TUB: variants seen among roughly 807,000 people sequenced by gnomAD.
TUB encodes TUB bipartite transcription factor.
In TUB, 33 loss-of-function variants were observed where a neutral mutation model predicts 59.7. The ratio of observed to expected loss-of-function variants is 0.55; its 90% confidence interval spans 0.42 to 0.74. TUB has a LOEUF of 0.74. Ranked by LOEUF, TUB falls within the 30% of genes least tolerant of loss-of-function variation. The pLI, the probability that TUB is intolerant of heterozygous loss-of-function variation, is 0.00. For synonymous variants in TUB, 293 were observed against 256.4 expected, an observed-to-expected ratio of 1.14 and a Z score of -1.36; for missense variants, 659 against 672.0, an observed-to-expected ratio of 0.98 and a Z score of 0.21.
At chr11:8,068,245 T>C (rs1193614619) in intron 2 of TUB, 1 of 152,414 alleles carries the variant, frequency 6.6e-6, no homozygotes, top group African/African-American at 2.4e-5. Flanking sequence ...TCGGGTCCCA[T>C]GGGCTTGCCT....
At chr11:8,052,626 C>A (rs1004673134) in intron 2 of TUB, among the ~76,000 whole-genome samples, 1 of 151,990 alleles carries the variant, frequency 6.6e-6, no homozygotes, top group African/African-American at 2.4e-5. Context: ...CCCACCACCA[C>A]GCCCTGCTAA....
intron 1 of TUB, among the ~76,000 whole-genome samples, chr11:8,085,956 G>A (rs1027444910): frequency 6.6e-6 from 1 of 152,180 alleles, no homozygotes. Flanking sequence ...CAGGTTCCCT[G>A]GGAGGTGAAG....
Position 8,094,027 on chromosome 11 carries a change from G to A in TUB, c.254-19G>A. The A allele has an allele frequency of 6.2e-7, 1 of 1,614,112 alleles. No individual in the cohort carries two copies. The highest frequency in any genetic ancestry group is 8.5e-7 in the Non-Finnish European group (1 of 1,180,034). Reference sequence around the variant, plus strand: ...ACTGCCTGTTTCTCTCTCTCCATCTGGGGATGTTTCCTGAGCAGTTCAAGA... The same window carrying A: ...ACTGCCTGTTTCTCTCTCTCCATCTAGGGATGTTTCCTGAGCAGTTCAAGA... On this transcript the variant is annotated intron_variant, in intron 3 of 11. Transcript: ENST00000299506.
chr11:8,038,630 G>A, upstream of TUB: 8 of 1,239,866 alleles, frequency 6.5e-6, no homozygotes, highest in Non-Finnish European at 8.1e-6. Flanking sequence ...TGGCCACTGA[G>A]ACCTTGAGGA....
Position 8,104,514 on chromosome 11 carries a change from T to A in TUB, c.*2895T>A, listed in dbSNP as rs1466232116. On this transcript the variant is annotated 3_prime_UTR_variant, in exon 12 of 12. Transcript: ENST00000299506. ...GGTTTCTTAATTGTGATTATATTCC[T>A]GAGAATGAATGAGTAGGAAAGGAAT... The A allele has an allele frequency of 6.6e-6, 1 of 152,248 alleles. No individual in the cohort carries two copies. The highest frequency in any genetic ancestry group is 1.5e-5 in the Non-Finnish European group (1 of 68,050). 9.4% of individuals were successfully genotyped at this position (152,248 alleles called of 1,614,324 possible). A position where few individuals can be genotyped will look rare whatever the true frequency, so the allele number is the denominator to read the frequency against.
intron 4 of TUB, 93 bp from the exon 5 acceptor site, chr11:8,095,405 C>A: frequency 7.4e-7 from 1 of 1,359,060 alleles, no homozygotes; most frequent in East Asian, 2.3e-5. Context: ...GAGGGTTTCC[C>A]CACTCTTCCC....
At chr11:8,034,762 C>A (rs1256159344), upstream of TUB, among the ~76,000 whole-genome samples, 1 of 152,208 alleles carries the variant, frequency 6.6e-6, no homozygotes, top group Non-Finnish European at 1.5e-5. Context: ...TTCCCCTCTC[C>A]CCTTCTTCTC....
intron 1 of TUB, among the ~76,000 whole-genome samples, chr11:8,024,663 T>C (rs1470983072): frequency 6.6e-6 from 1 of 152,234 alleles, no homozygotes; most frequent in African/African-American, 2.4e-5. Flanking sequence ...GAACATCTTG[T>C]ATATATGACA....
rs578098576 is a variant in TUB at position 8,093,932 on chromosome 11, G to A, written c.254-114G>A. The A allele has an allele frequency of 6.7e-4, 837 of 1,255,726 alleles. 2 individuals carry two copies. Among genetic ancestry groups the A allele is most frequent in the Non-Finnish European group, 8.2e-4 (721 of 874,242 alleles). The allele number at this position is 1,255,726 out of a possible 1,614,324, so 77.8% of individuals were successfully genotyped here. A position where few individuals can be genotyped will look rare whatever the true frequency, so the allele number is the denominator to read the frequency against. ...CTGTAGAAGTGGTACAGGGGCCCTG[G>A]TGGGACTCGGGGTGCAGTCAAAAAT... On this transcript the variant is annotated intron_variant, in intron 3 of 11. Coordinates refer to ENST00000299506, the MANE Select transcript of TUB (RefSeq NM_177972.3).
chr11:8,037,285 C>G (rs1227655804), upstream of TUB, among the ~76,000 whole-genome samples: 3 of 152,220 alleles, frequency 2.0e-5, no homozygotes, highest in African/African-American at 4.8e-5. Context: ...TGGCTTTGAC[C>G]TTTCCTTTCT....
intron 1 of TUB, among the ~76,000 whole-genome samples, chr11:8,082,181 A>G (rs1383732569): frequency 2.6e-5 from 4 of 152,244 alleles, no homozygotes; most frequent in Non-Finnish European, 4.4e-5. Flanking sequence ...TCTTTCAGAC[A>G]CTGAATAATC....
At chr11:8,019,601 A>C (rs1436638961) in intron 1 of TUB, among the ~76,000 whole-genome samples, 3 of 152,010 alleles carry the variant, frequency 2.0e-5, no homozygotes, top group African/African-American at 7.2e-5. Flanking sequence ...GGCCACTGGG[A>C]CTAGCGAGCT....
chr11:8,100,644 G>T, intron 10 of TUB, 43 bp downstream of exon 10: 1 of 1,588,026 alleles, frequency 6.3e-7, no homozygotes, highest in Non-Finnish European at 8.6e-7. Context: ...CATCATCCTA[G>T]TCTCTGCATG....
At chr11:8,082,720 G>T (rs144396783) in intron 1 of TUB, among the ~76,000 whole-genome samples, 2 of 152,332 alleles carry the variant, frequency 1.3e-5, no homozygotes, top group East Asian at 3.9e-4. Flanking sequence ...TCCAGACAGC[G>T]TCCCAAATGG....
intron 1 of TUB, among the ~76,000 whole-genome samples, chr11:8,025,585 CT>C (rs1380695824): frequency 1.3e-5 from 2 of 152,186 alleles, no homozygotes; most frequent in Non-Finnish European, 2.9e-5. Flanking sequence ...CAGTATGAAC[CT>C]TTTATTGTTT....
intron 2 of TUB, among the ~76,000 whole-genome samples, chr11:8,059,575 G>A (rs139825308): frequency 3.5e-4 from 54 of 152,194 alleles, no homozygotes; most frequent in African/African-American, 1.3e-3. Flanking sequence ...TTGATCTGAG[G>A]AGACGAGAGG....
intron 2 of TUB, among the ~76,000 whole-genome samples, chr11:8,046,467 C>T (rs1164849562): frequency 1.3e-5 from 2 of 152,160 alleles, no homozygotes; most frequent in Non-Finnish European, 2.9e-5. Context: ...TGTCCCTCGT[C>T]TTCTATTTCC....
chr11:8,022,302 A>G (rs1186461965), intron 1 of TUB, among the ~76,000 whole-genome samples: 1 of 152,226 alleles, frequency 6.6e-6, no homozygotes, highest in Non-Finnish European at 1.5e-5. Context: ...CAACACATAC[A>G]TTGGGTACAT....
At chr11:8,028,815 G>A (rs1168839393) in intron 1 of TUB, among the ~76,000 whole-genome samples, 1 of 152,098 alleles carries the variant, frequency 6.6e-6, no homozygotes, top group Non-Finnish European at 1.5e-5. Flanking sequence ...TTTGAGACCA[G>A]CCTGGACAAC....
Sources: gnomAD v4.1 joint callset for allele counts (sites outside exome capture counted in the v4.1 genomes callset) on GRCh38, gnomAD v4.1.1 for gene constraint, MANE v1.5 for transcripts, NCBI Gene and HGNC (gene_info 2026-07-23, HGNC 2026-07-21) for gene names.